The following RPAP2 variants were observed in gnomAD, a reference collection of about 807,000 sequenced individuals.
RPAP2 encodes the protein RNA polymerase II associated protein 2.
In RPAP2, 52 loss-of-function variants were observed where a neutral mutation model predicts 73.1. The ratio of observed to expected loss-of-function variants is 0.71; its 90% CI spans 0.57 to 0.90. RPAP2 has a LOEUF of 0.90. Ranked by LOEUF, RPAP2 falls within the 40% of genes least tolerant of loss-of-function variation. The pLI is 0.00. For missense variants in RPAP2, 598 were observed against 701.8 expected (o/e 0.85, Z 1.67); for synonymous variants, 225 against 242.1 (o/e 0.93, Z 0.65).
At chr1:92,316,897 T>C (rs1651936846) in intron 6 of RPAP2, among the ~76,000 whole-genome samples, 1 of 152,204 alleles carries the variant, frequency 6.6e-6, no homozygotes, top group African/African-American at 2.4e-5. Flanking sequence ...GTACCATTCT[T>C]TATAGATTGG....
At chr1:92,331,989 C>T in intron 8 of RPAP2, among the ~76,000 whole-genome samples, 1 of 152,042 alleles carries the variant, frequency 6.6e-6, no homozygotes, top group East Asian at 1.9e-4. Flanking sequence ...CTTATTGCTA[C>T]TCCTTTGAAA....
intron 8 of RPAP2, among the ~76,000 whole-genome samples, chr1:92,328,631 G>A (rs1025124570): frequency 2.0e-5 from 3 of 152,136 alleles, no homozygotes; most frequent in Non-Finnish European, 4.4e-5. Context: ...TTGACCTTCT[G>A]AATCCTTTTT....
At chr1:92,319,370 C>CA (rs1487599404) in intron 6 of RPAP2, among the ~76,000 whole-genome samples, 1 of 152,232 alleles carries the variant, frequency 6.6e-6, no homozygotes, top group African/African-American at 2.4e-5. Context: ...TCTCTGTACT[C>CA]AGTTTCCTTA....
chr1:92,394,975 A>AGTG lies in RPAP2; in HGVS notation c.*7966_*7968dup, dbSNP rs2101471963. 6.6e-6 allele frequency: 1 copy of AGTG among 152,246 alleles called. No homozygotes were observed. The highest frequency in any genetic ancestry group is 1.9e-4 in the East Asian group (1 of 5,204). The allele number at this position is 152,246 out of a possible 1,614,324, so 9.4% of individuals were successfully genotyped here. On this transcript the variant is annotated 3_prime_UTR_variant, in exon 13 of 13. Transcript: ENST00000610020. ...TGATATAAAGATAGGCATACAGATC[A>AGTG]GTGGAACAGAGTCCAGGAATAAACC...
chr1:92,368,594 C>T (rs1044389588), intron 11 of RPAP2, among the ~76,000 whole-genome samples: 2 of 152,084 alleles, frequency 1.3e-5, no homozygotes, highest in African/African-American at 4.8e-5. Flanking sequence ...AGCTCTAAAT[C>T]CTTGGATAGA....
intron 6 of RPAP2, among the ~76,000 whole-genome samples, chr1:92,318,200 T>A (rs2101153567): frequency 6.6e-6 from 1 of 152,346 alleles, no homozygotes; most frequent in Non-Finnish European, 1.5e-5. Flanking sequence ...CCAGTCATAC[T>A]TTTTTTCTAT....
rs527840031 is a variant in RPAP2 at position 92,320,158 on chromosome 1, CTT to C, written c.489-439_489-438del. Among the ~76,000 whole-genome samples, 682 of 152,164 alleles carry C rather than the reference CTT, an allele frequency of 4.5e-3. 3 individuals carry two copies. Among genetic ancestry groups the C allele is most frequent in the African/African-American group, 0.016 (661 of 41,524 alleles). On this transcript the variant is annotated intron_variant, in intron 6 of 12. Transcript: ENST00000610020. ...TTTAGTCCAAGTTAGTCAAGGAAAACTTTATTGGGCTGGTGGAATTTGAACTT... is the reference window on the plus strand; with the variant it reads ...TTTAGTCCAAGTTAGTCAAGGAAAACTATTGGGCTGGTGGAATTTGAACTT...
intron 10 of RPAP2, among the ~76,000 whole-genome samples, chr1:92,342,240 AG>A (rs1472110424): frequency 6.6e-6 from 1 of 152,228 alleles, no homozygotes; most frequent in East Asian, 1.9e-4. Context: ...AAGACCCGAA[AG>A]GAGGTAAGGG....
At chr1:92,318,558 A>G (rs1442307207) in intron 6 of RPAP2, among the ~76,000 whole-genome samples, 2 of 152,184 alleles carry the variant, frequency 1.3e-5, no homozygotes, top group Non-Finnish European at 2.9e-5. Context: ...CACCAACCAT[A>G]GTAGATAGTT....
intron 10 of RPAP2, among the ~76,000 whole-genome samples, chr1:92,343,743 A>C (rs1301017005): frequency 2.4e-5 from 2 of 84,612 alleles, no homozygotes; most frequent in African/African-American, 5.9e-5. Flanking sequence ...CAACAATTAT[A>C]TATTAGAAGG....
chr1:92,348,314 A>C (rs1654018582), intron 11 of RPAP2, among the ~76,000 whole-genome samples: 1 of 152,160 alleles, frequency 6.6e-6, no homozygotes, highest in African/African-American at 2.4e-5. Flanking sequence ...TCTCCTAGTC[A>C]TTGGTCAACT....
In RPAP2 at chr1:92,369,752, TAAAG is replaced by T. The variant is rs200940047; in HGVS notation, c.1689-10971_1689-10968del. ...TATATCATAATTTATACTGCACAGATAAAGGAATAAGGAGAAAAGAGGAGCCTGG... is the reference window on the plus strand; with the variant it reads ...TATATCATAATTTATACTGCACAGATGAATAAGGAGAAAAGAGGAGCCTGG... On this transcript the variant is annotated intron_variant, in intron 11 of 12. Transcript: ENST00000610020. Among the ~76,000 whole-genome samples the T allele has an allele frequency of 2.6e-4, 40 of 152,122 alleles. No homozygotes were observed. The East Asian group carries it at 7.5e-3, about 29-fold the overall frequency.
chr1:92,299,288 A>C, intron 1 of RPAP2, 142 bp downstream of exon 1: 4 of 452,550 alleles, frequency 8.8e-6, no homozygotes, highest in Middle Eastern at 5.2e-4. Context: ...AAAGCTTCCC[A>C]CCGCCGTCCG....
At chr1:92,370,455 A>AC (rs999456153) in intron 11 of RPAP2, among the ~76,000 whole-genome samples, 7 of 151,942 alleles carry the variant, frequency 4.6e-5, no homozygotes, top group East Asian at 3.8e-4. Context: ...GAGCTTTCGT[A>AC]CCCCCCCACC....
intron 8 of RPAP2, among the ~76,000 whole-genome samples, chr1:92,330,352 G>A (rs1438852122): frequency 6.6e-6 from 1 of 151,174 alleles, no homozygotes; most frequent in Non-Finnish European, 1.5e-5. Flanking sequence ...CTGGAAGAAT[G>A]TGTCTAAAAT....
chr1:92,348,575 G>T (rs1654034996), intron 11 of RPAP2, among the ~76,000 whole-genome samples: 1 of 152,054 alleles, frequency 6.6e-6, no homozygotes, highest in African/African-American at 2.4e-5. Context: ...TCTGTCTCCT[G>T]CCCCATATTA....
At chr1:92,307,573 C>G (rs1048692513) in intron 6 of RPAP2, among the ~76,000 whole-genome samples, 4 of 152,054 alleles carry the variant, frequency 2.6e-5, no homozygotes, top group Non-Finnish European at 4.4e-5. Context: ...ATATAATAAT[C>G]CTGGAGGAAG....
In RPAP2 at chr1:92,380,806, T is replaced by TGAA; in HGVS notation, c.1771_1772insGAA (p.Leu591delinsTer). On this transcript the variant is annotated stop_gained, in exon 12 of 13. Transcript: ENST00000610020. LOFTEE classifies it high-confidence loss of function. ...GTTTCTAGACACCCTCCTTGAAGAA[T>TGAA]TACATCTAAAAAATGAAGACCTTGA... is the stretch of plus-strand genomic sequence containing the variant. The TGAA allele has an allele frequency of 6.2e-7, 1 of 1,608,172 alleles. No individual in the cohort carries two copies. The highest frequency in any genetic ancestry group is 8.5e-7 in the Non-Finnish European group (1 of 1,177,744).
At chr1:92,385,522 T>A (rs956895868) in intron 12 of RPAP2, among the ~76,000 whole-genome samples, 1 of 152,172 alleles carries the variant, frequency 6.6e-6, no homozygotes, top group African/African-American at 2.4e-5. Context: ...ATGAAGATGG[T>A]TGTGAGTAGA....
Sources: allele counts gnomAD v4.1 joint callset (sites outside exome capture counted in the v4.1 genomes callset), GRCh38; gene constraint gnomAD v4.1.1; transcripts MANE v1.5; gene names NCBI Gene and HGNC (gene_info 2026-07-23, HGNC 2026-07-21).